Variants in SCNN1B observed in about 807,000 individuals in gnomAD.
SCNN1B encodes sodium channel epithelial 1 subunit beta, also known as epithelial sodium channel subunit beta.
Under a neutral mutation model 65.3 loss-of-function variants are expected in SCNN1B, and 46 were observed. The observed-to-expected ratio is 0.70, with a 90% CI of 0.56 to 0.90. The LOEUF (loss-of-function observed/expected upper bound fraction) is 0.90. Ranked by LOEUF, SCNN1B falls within the 40% of genes least tolerant of loss-of-function variation. SCNN1B has a pLI of 0.00. For missense variants in SCNN1B, 751 were observed against 830.5 expected (o/e 0.90, Z 1.18); for synonymous variants, 349 against 330.6 (o/e 1.06, Z -0.60).
intron 1 of SCNN1B, among the ~76,000 whole-genome samples, chr16:23,307,779 G>C (rs1327387569): frequency 6.6e-6 from 1 of 152,320 alleles, no homozygotes; most frequent in South Asian, 2.1e-4. Flanking sequence ...GCCAGGCGCA[G>C]TGGCCATCGC....
At chr16:23,355,131 C>A (rs1962390979) in intron 3 of SCNN1B, among the ~76,000 whole-genome samples, 168 bp from the exon 4 acceptor site, 1 of 152,138 alleles carries the variant, frequency 6.6e-6, no homozygotes, top group Non-Finnish European at 1.5e-5. Flanking sequence ...GAGGCAGTAG[C>A]CCTTGAGCAT....
chr16:23,286,703 T>C (rs975359816), intron 2 of SCNN1B, among the ~76,000 whole-genome samples: 1 of 152,120 alleles, frequency 6.6e-6, no homozygotes, highest in Admixed American at 6.6e-5. Flanking sequence ...AGCAAGACAA[T>C]GGTCCTAGTT....
At chr16:23,326,541 T>G (rs1274414979) in intron 1 of SCNN1B, among the ~76,000 whole-genome samples, 1 of 151,846 alleles carries the variant, frequency 6.6e-6, no homozygotes, top group Admixed American at 6.6e-5. Context: ...TTCGGCTCAC[T>G]GCAAACTCTG....
chr16:23,299,059 CTTTT>C (rs552336545), upstream of SCNN1B, among the ~76,000 whole-genome samples: 4 of 130,552 alleles, frequency 3.1e-5, no homozygotes, highest in Non-Finnish European at 5.0e-5. Flanking sequence ...TTTTCTTTTT[CTTTT>C]TTTTTTTTTT....
intron 4 of SCNN1B, among the ~76,000 whole-genome samples, chr16:23,355,805 G>A (rs2142023033): frequency 6.6e-6 from 1 of 152,254 alleles, no homozygotes; most frequent in East Asian, 1.9e-4. Flanking sequence ...AGGAAAGGCT[G>A]GGCGTGGTGG....
At chr16:23,364,573 T>C (rs1962611095) in intron 4 of SCNN1B, among the ~76,000 whole-genome samples, 1 of 152,336 alleles carries the variant, frequency 6.6e-6, no homozygotes, top group South Asian at 2.1e-4. Context: ...CCCTGACTGC[T>C]GTGCAGAAGG....
chr16:23,371,271 G>A (rs771773384), intron 5 of SCNN1B, 28 bp from the exon 6 acceptor site: 1 of 1,613,208 alleles, frequency 6.2e-7, no homozygotes, highest in Non-Finnish European at 8.5e-7. Flanking sequence ...AGAAAGTTCA[G>A]GCAGCCCTCA....
At chr16:23,301,105 T>A (rs1360838593), upstream of SCNN1B, among the ~76,000 whole-genome samples, 14 of 152,000 alleles carry the variant, frequency 9.2e-5, no homozygotes, top group African/African-American at 3.4e-4. Context: ...GGCTCACACC[T>A]GTAATCCCAA....
At chr16:23,282,393 C>T (rs1480262973) in intron 1 of SCNN1B, among the ~76,000 whole-genome samples, 9 of 152,092 alleles carry the variant, frequency 5.9e-5, no homozygotes, top group African/African-American at 2.2e-4. Context: ...GAGATAGGCA[C>T]TATTATTATC....
chr16:23,285,437 G>A (rs1400506681), intron 2 of SCNN1B, among the ~76,000 whole-genome samples: 3 of 152,028 alleles, frequency 2.0e-5, no homozygotes, highest in Non-Finnish European at 2.9e-5. Flanking sequence ...CTCCCAAAGT[G>A]CTGAGATTAC....
At chr16:23,355,885 G>A (rs1307347074) in intron 4 of SCNN1B, among the ~76,000 whole-genome samples, 2 of 152,112 alleles carry the variant, frequency 1.3e-5, no homozygotes, top group Admixed American at 6.5e-5. Context: ...GAGACCAGGA[G>A]TTCAAGACCA....
intron 2 of SCNN1B, among the ~76,000 whole-genome samples, chr16:23,349,985 C>T (rs991992709): frequency 6.6e-6 from 1 of 151,692 alleles, no homozygotes; most frequent in Admixed American, 6.6e-5. Flanking sequence ...GGCTGAGGCA[C>T]GAGAATTGCT....
chr16:23,359,216 A>C (rs1962483532), intron 4 of SCNN1B: 1 of 152,126 alleles, frequency 6.6e-6, no homozygotes, highest in African/African-American at 2.4e-5. Context: ...CACCGCGCCC[A>C]GCCTTCCCCA....
chr16:23,370,782 G>T (rs1962765049), intron 5 of SCNN1B, among the ~76,000 whole-genome samples: 1 of 152,198 alleles, frequency 6.6e-6, no homozygotes, highest in African/African-American at 2.4e-5. Flanking sequence ...TCCAGAGCTA[G>T]GGAATAGCAC....
At chr16:23,350,548 C>A (rs1344119038) in intron 2 of SCNN1B, among the ~76,000 whole-genome samples, 5 of 152,146 alleles carry the variant, frequency 3.3e-5, no homozygotes, top group African/African-American at 1.2e-4. Context: ...ACAGCAGGTG[C>A]AGCTGGTGAG....
upstream of SCNN1B, among the ~76,000 whole-genome samples, chr16:23,299,284 T>C (rs1451504691): frequency 6.6e-6 from 1 of 152,106 alleles, no homozygotes; most frequent in Non-Finnish European, 1.5e-5. Context: ...GGTCTCGAAC[T>C]CCTGAGCTCA....
chr16:23,312,623 G>A (rs529904491), intron 1 of SCNN1B, among the ~76,000 whole-genome samples: 1 of 152,306 alleles, frequency 6.6e-6, no homozygotes, highest in East Asian at 1.9e-4. Context: ...TGAGAAGCCA[G>A]AAACAGCTTT....
chr16:23,368,154 A>G (rs1217458457), intron 5 of SCNN1B, among the ~76,000 whole-genome samples, 195 bp downstream of exon 5: 5 of 152,294 alleles, frequency 3.3e-5, no homozygotes, highest in Admixed American at 3.3e-4. Context: ...TCCCGCCCAC[A>G]ATGTTCAGAA....
At chr16:23,362,856 T>C (rs553854274) in intron 4 of SCNN1B, among the ~76,000 whole-genome samples, 2 of 152,288 alleles carry the variant, frequency 1.3e-5, no homozygotes, top group South Asian at 4.1e-4. Flanking sequence ...GCTGGTTTGC[T>C]CTGCTCTGTT....
Sources: gnomAD v4.1 joint callset for allele counts (sites outside exome capture counted in the v4.1 genomes callset) on GRCh38, gnomAD v4.1.1 for gene constraint, MANE v1.5 for transcripts, NCBI Gene and HGNC (gene_info 2026-07-23, HGNC 2026-07-21) for gene names.